Variants in PDZRN4 observed in about 807,000 individuals in gnomAD.
PDZRN4 encodes PDZ domain containing ring finger 4.
PDZRN4 carries 70 observed loss-of-function variants against 99.0 expected under a neutral mutation model. That is an observed-to-expected ratio of 0.71 (90% CI 0.58 to 0.86). The LOEUF is 0.86. Among genes scored for constraint, PDZRN4 ranks in the 40% least tolerant of loss-of-function variants. The pLI is 0.00. For missense variants in PDZRN4, 1,474 were observed against 1,331.2 expected (o/e 1.11, Z -1.67); for synonymous variants, 551 against 501.6 (o/e 1.10, Z -1.32).
chr12:41,214,649 C>G (rs1335315391), intron 3 of PDZRN4, among the ~76,000 whole-genome samples: 3 of 151,804 alleles, frequency 2.0e-5, no homozygotes, highest in Non-Finnish European at 2.9e-5. Context: ...ACTAAAATTA[C>G]AACTACATTT....
intron 3 of PDZRN4, among the ~76,000 whole-genome samples, chr12:41,374,040 G>C (rs992814272): frequency 6.6e-6 from 1 of 152,180 alleles, no homozygotes; most frequent in Non-Finnish European, 1.5e-5. Flanking sequence ...TCCCCAGACA[G>C]AGCATTATTA....
intron 3 of PDZRN4, among the ~76,000 whole-genome samples, chr12:41,417,050 C>T (rs1401535669): frequency 1.3e-5 from 2 of 152,088 alleles, no homozygotes; most frequent in Admixed American, 6.6e-5. Flanking sequence ...AAAGAGGTAA[C>T]CTCTGTTTAT....
At chr12:41,497,555 C>G (rs1938031782) in intron 3 of PDZRN4, among the ~76,000 whole-genome samples, 1 of 152,020 alleles carries the variant, frequency 6.6e-6, no homozygotes, top group Non-Finnish European at 1.5e-5. Context: ...GGGATCTTCT[C>G]CAAAGATTTG....
chr12:41,530,100 T>C (rs183710850), intron 5 of PDZRN4, among the ~76,000 whole-genome samples: 1 of 151,952 alleles, frequency 6.6e-6, no homozygotes, highest in Middle Eastern at 3.2e-3. Context: ...AAGACTTCCA[T>C]GGCAGATCTA....
chr12:41,571,141 CT>C (rs1001538033), intron 9 of PDZRN4, among the ~76,000 whole-genome samples: 2 of 151,872 alleles, frequency 1.3e-5, no homozygotes, highest in African/African-American at 4.8e-5. Flanking sequence ...ACCTATCTAT[CT>C]ATCTATATAT....
At chr12:41,434,483 CA>C (rs1322998034) in intron 3 of PDZRN4, among the ~76,000 whole-genome samples, 1 of 152,134 alleles carries the variant, frequency 6.6e-6, no homozygotes, top group Non-Finnish European at 1.5e-5. Flanking sequence ...ATTTAATCTT[CA>C]ATTATTAGTC....
At chr12:41,526,141 A>T (rs1161489731) in intron 5 of PDZRN4, among the ~76,000 whole-genome samples, 6 of 152,112 alleles carry the variant, frequency 3.9e-5, no homozygotes, top group Non-Finnish European at 8.8e-5. Context: ...CCTTCCTTCC[A>T]ATTCTAGGAC....
intron 2 of PDZRN4, among the ~76,000 whole-genome samples, chr12:41,193,818 C>G (rs1032920815): frequency 3.3e-5 from 5 of 152,142 alleles, no homozygotes; most frequent in Admixed American, 1.3e-4. Flanking sequence ...CTTGTACATG[C>G]CCTTTCCCAT....
chr12:41,555,469 GA>G (rs1428921632), intron 6 of PDZRN4, among the ~76,000 whole-genome samples: 13 of 151,976 alleles, frequency 8.6e-5, no homozygotes, highest in Admixed American at 7.2e-4. Context: ...CTGGTCTTCA[GA>G]TTAAGTTCTG....
At chr12:41,534,117 A>C (rs1428987438) in intron 5 of PDZRN4, among the ~76,000 whole-genome samples, 1 of 152,206 alleles carries the variant, frequency 6.6e-6, no homozygotes, top group African/African-American at 2.4e-5. Flanking sequence ...TACCTTCATA[A>C]GCATTTAAAT....
At chr12:41,336,032 T>C (rs1951771206) in intron 3 of PDZRN4, among the ~76,000 whole-genome samples, 1 of 152,086 alleles carries the variant, frequency 6.6e-6, no homozygotes, top group Non-Finnish European at 1.5e-5. Flanking sequence ...CCTTTCTAGG[T>C]TTATGTATGT....
chr12:41,439,492 G>C (rs1367198015), intron 3 of PDZRN4, among the ~76,000 whole-genome samples: 3 of 152,100 alleles, frequency 2.0e-5, no homozygotes, highest in African/African-American at 7.2e-5. Context: ...TGGAGAGCGT[G>C]GTAGGTGGCA....
chr12:41,487,445 T>G (rs1205739773), intron 3 of PDZRN4, among the ~76,000 whole-genome samples: 1 of 152,182 alleles, frequency 6.6e-6, no homozygotes, highest in Non-Finnish European at 1.5e-5. Flanking sequence ...AGCTTTGAGT[T>G]TTAATAACAT....
chr12:41,425,477 C>T (rs1433697720), intron 3 of PDZRN4, among the ~76,000 whole-genome samples: 1 of 152,014 alleles, frequency 6.6e-6, no homozygotes, highest in Admixed American at 6.6e-5. Flanking sequence ...AAGTAATGTT[C>T]TGTTACATGC....
intron 3 of PDZRN4, among the ~76,000 whole-genome samples, chr12:41,411,074 T>TTA (rs1565575925): frequency 6.7e-6 from 1 of 150,088 alleles, no homozygotes; most frequent in Admixed American, 6.7e-5. Context: ...TATATTTTTT[T>TTA]TTTATTTGTA....
At chr12:41,525,985 C>T (rs578085243) in intron 5 of PDZRN4, among the ~76,000 whole-genome samples, 78 of 152,278 alleles carry the variant, frequency 5.1e-4, no homozygotes, top group African/African-American at 1.8e-3. Flanking sequence ...CCATTGAAAT[C>T]TGATTTGAGG....
intron 3 of PDZRN4, among the ~76,000 whole-genome samples, chr12:41,209,416 T>C (rs974718746): frequency 7.9e-5 from 12 of 152,034 alleles, no homozygotes; most frequent in African/African-American, 2.7e-4. Context: ...TACATATGTA[T>C]ACATGTGGCG....
chr12:41,463,544 T>C (rs963453063), intron 3 of PDZRN4, among the ~76,000 whole-genome samples: 1 of 151,996 alleles, frequency 6.6e-6, no homozygotes, highest in African/African-American at 2.4e-5. Context: ...AATAATATAA[T>C]CTTTAAATAA....
At chr12:41,382,720 G>A (rs1952136455) in intron 3 of PDZRN4, among the ~76,000 whole-genome samples, 1 of 152,174 alleles carries the variant, frequency 6.6e-6, no homozygotes, top group East Asian at 1.9e-4. Context: ...GGACTTAGGT[G>A]TAAATGCACT....
Sources: allele counts gnomAD v4.1 joint callset (sites outside exome capture counted in the v4.1 genomes callset), GRCh38; gene constraint gnomAD v4.1.1; transcripts MANE v1.5; gene names NCBI Gene and HGNC (gene_info 2026-07-23, HGNC 2026-07-21).